DOCK9: variants seen among roughly 807,000 people sequenced by gnomAD.
The protein encoded by DOCK9 is dedicator of cytokinesis protein 9.
DOCK9 carries 89 observed loss-of-function variants against 263.3 expected under a neutral mutation model. That is an observed-to-expected ratio of 0.34 (90% CI 0.28 to 0.40). The LOEUF (loss-of-function observed/expected upper bound fraction) is 0.40. DOCK9 is among the 10% of genes least tolerant of loss of function. DOCK9 has a pLI of 1.00. For synonymous variants in DOCK9, 976 were observed against 973.1 expected, an observed-to-expected ratio of 1.00 and a Z score of -0.06; for missense variants, 2,140 against 2,603.4, an observed-to-expected ratio of 0.82 and a Z score of 3.87.
intron 1 of DOCK9, among the ~76,000 whole-genome samples, chr13:99,013,033 C>CCAGG (rs1416892001): frequency 6.6e-6 from 1 of 152,146 alleles, no homozygotes; most frequent in African/African-American, 2.4e-5. Context: ...TACTATAGAG[C>CCAGG]CAGGCACTGT....
At chr13:98,999,370 C>A (rs1393849123) in intron 1 of DOCK9, among the ~76,000 whole-genome samples, 2 of 151,330 alleles carry the variant, frequency 1.3e-5, no homozygotes, top group South Asian at 2.1e-4. Flanking sequence ...CCAAAACAAC[C>A]CTTCTTTTAA....
At chr13:99,039,220 C>T (rs1168168929) in intron 1 of DOCK9, among the ~76,000 whole-genome samples, 1 of 152,024 alleles carries the variant, frequency 6.6e-6, no homozygotes, top group African/African-American at 2.4e-5. Context: ...GTTTTGTATA[C>T]AAAATAATTA....
At chr13:99,078,949 C>T (rs1265530219) in intron 1 of DOCK9, among the ~76,000 whole-genome samples, 2 of 152,212 alleles carry the variant, frequency 1.3e-5, no homozygotes, top group Non-Finnish European at 2.9e-5. Flanking sequence ...TAACATTCTG[C>T]ATTCTGGTTT....
chr13:98,869,842 C>T (rs914613923), intron 27 of DOCK9, among the ~76,000 whole-genome samples: 2 of 152,272 alleles, frequency 1.3e-5, no homozygotes, highest in Non-Finnish European at 2.9e-5. Context: ...GCTGGCCTCC[C>T]TTGTTCCTTC....
chr13:98,984,765 TG>T (rs1238464873), intron 1 of DOCK9, among the ~76,000 whole-genome samples: 1 of 152,136 alleles, frequency 6.6e-6, no homozygotes, highest in Non-Finnish European at 1.5e-5. Flanking sequence ...TTCACCTCTC[TG>T]GGCCCCACAG....
chr13:99,038,288 C>CTTTTTTTTTTTTTTTTTTTTTTTT (rs71419743), intron 1 of DOCK9, among the ~76,000 whole-genome samples: 2 of 86,262 alleles, frequency 2.3e-5, no homozygotes, highest in Non-Finnish European at 4.4e-5. Context: ...TTATGCCCCC[C>CTTTTTTTTTTTTTTTTTTTTTTTT]TTTTTTTTTT....
At chr13:98,986,621 C>A (rs1324543614) in intron 1 of DOCK9, among the ~76,000 whole-genome samples, 1 of 152,194 alleles carries the variant, frequency 6.6e-6, no homozygotes, top group African/African-American at 2.4e-5. Flanking sequence ...TCATCAGCAG[C>A]AAAGATGATG....
chr13:98,798,937 G>A (rs1294545183), intron 50 of DOCK9, among the ~76,000 whole-genome samples: 1 of 152,176 alleles, frequency 6.6e-6, no homozygotes, highest in Non-Finnish European at 1.5e-5. Flanking sequence ...CCCTGGACTG[G>A]TGCCACACCC....
rs754187654 is a variant in DOCK9 at position 98,901,789 on chromosome 13, C to T, written c.1492G>A (p.Asp498Asn). 1 of 1,612,824 alleles carries T rather than the reference C, an allele frequency of 6.2e-7. No homozygotes were observed. Among genetic ancestry groups the T allele is most frequent in the Non-Finnish European group, 8.5e-7 (1 of 1,179,396 alleles). Residue 498 changes from aspartate (D) to asparagine (N), a missense_variant, in exon 13 of 53, where the codon GAC becomes AAC. This residue lies in a region of DOCK9 where 1,521 missense variants were observed against 1,741.7 expected (regional missense o/e 0.87). Transcript: ENST00000682017. The stretch of plus-strand genomic sequence containing the variant: ...AAAGCCATTCATACCTTAGAAGAGT[C>T]TGAACTTTTCATATATGGCTCAGCG... ...HCAEPYMKSS[D>N]SSKVAQKVLK... is the part of the protein sequence containing the mutation.
chr13:99,000,486 A>C (rs1301172956), intron 1 of DOCK9, among the ~76,000 whole-genome samples: 4 of 152,236 alleles, frequency 2.6e-5, no homozygotes, highest in Non-Finnish European at 4.4e-5. Context: ...AGGTGGCAAG[A>C]TACAGCACGG....
chr13:98,980,536 T>TA (rs1466944559), upstream of DOCK9, among the ~76,000 whole-genome samples: 2 of 152,266 alleles, frequency 1.3e-5, no homozygotes, highest in African/African-American at 4.8e-5. Flanking sequence ...CATCTGGCTT[T>TA]AACCCTATCA....
intron 1 of DOCK9, among the ~76,000 whole-genome samples, chr13:99,015,033 C>G (rs1445964800): frequency 2.0e-5 from 3 of 151,916 alleles, no homozygotes; most frequent in Non-Finnish European, 4.4e-5. Context: ...TGGCCATAAG[C>G]CATTAGTAAG....
chr13:98,913,335 A>G (rs1302439226), intron 9 of DOCK9, among the ~76,000 whole-genome samples: 1 of 152,206 alleles, frequency 6.6e-6, no homozygotes, highest in Non-Finnish European at 1.5e-5. Flanking sequence ...TAGAGAAGAC[A>G]AAGATATTTC....
intron 1 of DOCK9, among the ~76,000 whole-genome samples, chr13:98,990,147 T>A (rs935992388): frequency 1.3e-5 from 2 of 152,194 alleles, no homozygotes; most frequent in Admixed American, 1.3e-4. Flanking sequence ...CTAAAAGCAA[T>A]GAACCAATCT....
chr13:98,849,493 T>C (rs146026920), intron 36 of DOCK9, among the ~76,000 whole-genome samples: 11 of 152,178 alleles, frequency 7.2e-5, no homozygotes, highest in African/African-American at 2.6e-4. Context: ...ACAGTCTATA[T>C]GTAAATTTTT....
chr13:98,826,704 C>T (rs573186505), intron 44 of DOCK9, 126 bp downstream of exon 44: 352 of 741,170 alleles, frequency 4.7e-4, no homozygotes, highest in Non-Finnish European at 6.8e-4. Context: ...GGGGATAAAA[C>T]AACGAATACA....
intron 43 of DOCK9, among the ~76,000 whole-genome samples, chr13:98,827,860 C>T (rs779902619): frequency 6.6e-6 from 1 of 152,224 alleles, no homozygotes; most frequent in Non-Finnish European, 1.5e-5. Context: ...AAATTAGCTG[C>T]TTTCGTCCCT....
chr13:99,086,412 C>T, exon 1 of DOCK9: 1 of 975,290 alleles, frequency 1.0e-6, no homozygotes, highest in Non-Finnish European at 1.2e-6. Context: ...GCCGCGCGGC[C>T]GCCAGGTGCG....
intron 27 of DOCK9, among the ~76,000 whole-genome samples, chr13:98,872,459 T>A (rs1254093062): frequency 6.6e-6 from 1 of 152,004 alleles, no homozygotes; most frequent in Non-Finnish European, 1.5e-5. Flanking sequence ...CAGGCTGGAG[T>A]GCACTGGCAC....
Sources: gnomAD v4.1 joint callset for allele counts (sites outside exome capture counted in the v4.1 genomes callset) on GRCh38, gnomAD v4.1.1 for gene constraint, gnomAD v4.1.1 regional missense constraint, MANE v1.5 for transcripts, NCBI Gene and HGNC (gene_info 2026-07-23, HGNC 2026-07-21) for gene names.